The following FBXL7 variants were observed in gnomAD, a reference collection of about 807,000 sequenced individuals.
The protein encoded by FBXL7 is F-box/LRR-repeat protein 7.
FBXL7 carries 12 observed loss-of-function variants against 38.3 expected under a neutral mutation model. The ratio of observed to expected loss-of-function variants is 0.31; its 90% CI spans 0.20 to 0.51. The LOEUF (loss-of-function observed/expected upper bound fraction) is 0.51. Among genes scored for constraint, FBXL7 ranks in the 20% least tolerant of loss-of-function variants. The pLI is 0.98. For missense variants in FBXL7, 567 were observed against 676.4 expected (o/e 0.84, Z 1.79); for synonymous variants, 297 against 300.9 (o/e 0.99, Z 0.13).
intron 2 of FBXL7, among the ~76,000 whole-genome samples, chr5:15,692,556 CA>C (rs1291857369): frequency 6.6e-6 from 1 of 152,122 alleles, no homozygotes; most frequent in African/African-American, 2.4e-5. Context: ...CTGGAAAAGC[CA>C]GTAAACTTTC....
At chr5:15,798,369 G>C (rs963333574) in intron 2 of FBXL7, among the ~76,000 whole-genome samples, 3 of 152,136 alleles carry the variant, frequency 2.0e-5, no homozygotes, top group Non-Finnish European at 4.4e-5. Context: ...TTTTCCTCCA[G>C]TTTCCCCTTT....
intron 2 of FBXL7, among the ~76,000 whole-genome samples, chr5:15,656,478 A>T (rs922857266): frequency 4.6e-5 from 7 of 152,196 alleles, no homozygotes; most frequent in African/African-American, 1.7e-4. Context: ...AATGAGGAAG[A>T]TGCAAAAACG....
chr5:15,582,580 A>C (rs1459243788), intron 1 of FBXL7, among the ~76,000 whole-genome samples: 1 of 152,226 alleles, frequency 6.6e-6, no homozygotes, highest in Non-Finnish European at 1.5e-5. Flanking sequence ...GTGACAGTTT[A>C]CTTGACCAAT....
chr5:15,684,011 A>G (rs1742932559), intron 2 of FBXL7, among the ~76,000 whole-genome samples: 1 of 152,206 alleles, frequency 6.6e-6, no homozygotes, highest in South Asian at 2.1e-4. Context: ...AATTATTTTA[A>G]TAATTTTCCC....
intron 2 of FBXL7, among the ~76,000 whole-genome samples, chr5:15,671,075 G>A (rs992786571): frequency 4.6e-5 from 7 of 152,230 alleles, no homozygotes; most frequent in South Asian, 2.1e-4. Context: ...CAAGGCAACC[G>A]AGAGTGGTGC....
chr5:15,778,382 C>T (rs1243813697), intron 2 of FBXL7, among the ~76,000 whole-genome samples: 3 of 152,056 alleles, frequency 2.0e-5, no homozygotes, highest in Admixed American at 6.6e-5. Flanking sequence ...TTGGGGCCTT[C>T]GTTCTCTTCA....
intron 2 of FBXL7, among the ~76,000 whole-genome samples, chr5:15,772,138 C>A (rs1736746379): frequency 6.6e-6 from 1 of 152,104 alleles, no homozygotes; most frequent in African/African-American, 2.4e-5. Flanking sequence ...ATCAACTGTG[C>A]TCCAAAACAA....
intron 2 of FBXL7, among the ~76,000 whole-genome samples, chr5:15,753,450 G>A (rs554581647): frequency 6.6e-6 from 1 of 152,048 alleles, no homozygotes; most frequent in Admixed American, 6.6e-5. Flanking sequence ...TACATCAAAG[G>A]CTCCAAAATA....
intron 2 of FBXL7, among the ~76,000 whole-genome samples, chr5:15,624,674 C>A (rs1048826389): frequency 2.0e-5 from 3 of 152,168 alleles, no homozygotes; most frequent in Admixed American, 6.5e-5. Flanking sequence ...GCCAAAGATT[C>A]ATCTGATGAA....
Position 15,928,413 on chromosome 5 carries a change from G to C in FBXL7, c.651G>C (p.Leu217=). Residue 217 remains leucine (L), a synonymous_variant, in exon 3 of 4, where the codon CTG becomes CTC. Transcript: ENST00000504595. This position sits in a 1 kb window ranked among gnomAD's most constrained non-coding sequence, Gnocchi z 4.0. ...IAQCCPELRR[L]EVSGCYNISN... ...AGTGCTGCCCCGAACTGAGGCGACT[G>C]GAAGTCTCAGGCTGTTACAATATCT... The C allele has an allele frequency of 6.2e-7, 1 of 1,614,086 alleles. No individual in the cohort carries two copies. The highest frequency in any genetic ancestry group is 1.7e-5 in the Admixed American group (1 of 60,032).
rs1360072456 is a variant in FBXL7, at chr5:15,879,293, G to A, written c.128-48597G>A. Among the ~76,000 whole-genome samples the A allele has an allele frequency of 2.3e-4, 35 of 152,132 alleles. 1 individual carries two copies. Among genetic ancestry groups the A allele is most frequent in the Admixed American group, 2.3e-3 (35 of 15,268 alleles). On this transcript the variant is annotated intron_variant, in intron 2 of 3. Transcript: ENST00000504595. ...TTGTGAAGGGAAAAGAAATCTTCAGGTTTAATCTCCTTCTTTCTAATTCTA... is the reference window on the plus strand; with the variant it reads ...TTGTGAAGGGAAAAGAAATCTTCAGATTTAATCTCCTTCTTTCTAATTCTA...
At chr5:15,526,142 T>G (rs1468027655) in intron 1 of FBXL7, among the ~76,000 whole-genome samples, 1 of 152,014 alleles carries the variant, frequency 6.6e-6, no homozygotes, top group Non-Finnish European at 1.5e-5. Context: ...TGAGTTAATG[T>G]GTGAGGTCAG....
At position 15,739,457 on chromosome 5, in the gene FBXL7, C is replaced by T. The variant is rs144690886; in HGVS notation, c.127+123385C>T. 3.9e-5 allele frequency among the ~76,000 whole-genome samples: 6 copies of T among 152,314 alleles called. No individual in the cohort carries two copies. The East Asian group carries it at 1.2e-3, about 29-fold the overall frequency. ...AGTTCAGTGGGTTTTAGTGTATTCA[C>T]AGAATTGTACAACCGTCACCACAAT... On this transcript the variant is annotated intron_variant, in intron 2 of 3. Coordinates refer to ENST00000504595, the MANE Select transcript of FBXL7 (RefSeq NM_012304.5).
rs191776945 is a variant in FBXL7, at chr5:15,832,585, T to C, written c.128-95305T>C. 3.7e-4 allele frequency among the ~76,000 whole-genome samples: 57 copies of C among 152,300 alleles called. 1 individual carries two copies. The highest frequency in any genetic ancestry group is 1.3e-3 in the Admixed American group (20 of 15,288). ...GAAAACAGCTAGTTTAAGGAGGTTTTGCAAGTGGCTATCAGTAGAAGAAGG... is the reference window on the plus strand; with the variant it reads ...GAAAACAGCTAGTTTAAGGAGGTTTCGCAAGTGGCTATCAGTAGAAGAAGG... On this transcript the variant is annotated intron_variant, in intron 2 of 3. Coordinates refer to ENST00000504595, the MANE Select transcript of FBXL7 (RefSeq NM_012304.5).
intron 2 of FBXL7, among the ~76,000 whole-genome samples, chr5:15,829,269 G>C (rs1396536663): frequency 6.6e-6 from 1 of 151,964 alleles, no homozygotes; most frequent in Non-Finnish European, 1.5e-5. Flanking sequence ...GGTGGTGGTG[G>C]TTTTTGCAGC....
At chr5:15,701,481 T>G (rs1310904310) in intron 2 of FBXL7, among the ~76,000 whole-genome samples, 1 of 152,194 alleles carries the variant, frequency 6.6e-6, no homozygotes, top group Admixed American at 6.5e-5. Context: ...GCGTCATCAT[T>G]GTCATGCTTC....
chr5:15,562,164 A>T (rs941970327), intron 1 of FBXL7, among the ~76,000 whole-genome samples: 1 of 152,158 alleles, frequency 6.6e-6, no homozygotes, highest in Admixed American at 6.6e-5. Flanking sequence ...ACATTCTTAG[A>T]ATAAAATATA....
intron 2 of FBXL7, among the ~76,000 whole-genome samples, chr5:15,776,574 C>T (rs1372093307): frequency 6.6e-6 from 1 of 152,122 alleles, no homozygotes; most frequent in Admixed American, 6.6e-5. Flanking sequence ...CTAAGCACTG[C>T]ATCTGTAATA....
chr5:15,842,595 C>T (rs1738779371), intron 2 of FBXL7, among the ~76,000 whole-genome samples: 1 of 152,080 alleles, frequency 6.6e-6, no homozygotes, highest in Admixed American at 6.6e-5. Flanking sequence ...GATGTGTCCC[C>T]ACCCAAATCT....
Sources: gnomAD v4.1 joint callset for allele counts (sites outside exome capture counted in the v4.1 genomes callset) on GRCh38, gnomAD v4.1.1 for gene constraint, Gnocchi (gnomAD v3.1) non-coding constraint, MANE v1.5 for transcripts, NCBI Gene and HGNC (gene_info 2026-07-23, HGNC 2026-07-21) for gene names.